The following SYNPO2 variants were observed in gnomAD, a reference collection of about 807,000 sequenced individuals.
The protein encoded by SYNPO2 is synaptopodin 2.
SYNPO2 carries 56 observed loss-of-function variants against 85.0 expected under a neutral mutation model. That is an observed-to-expected ratio of 0.66 (90% confidence interval 0.53 to 0.82). The LOEUF (loss-of-function observed/expected upper bound fraction) is 0.82, where lower values mean the gene tolerates loss of function less well. Among genes scored for constraint, SYNPO2 ranks in the 40% least tolerant of loss-of-function variants. SYNPO2 has a pLI of 0.00. For missense variants in SYNPO2, 1,575 were observed against 1,534.2 expected, an observed-to-expected ratio of 1.03 and a Z score of -0.44; for synonymous variants, 602 against 591.1, an observed-to-expected ratio of 1.02 and a Z score of -0.27.
At chr4:118,903,832 C>G (rs1400076066) in intron 1 of SYNPO2, among the ~76,000 whole-genome samples, 1 of 152,048 alleles carries the variant, frequency 6.6e-6, no homozygotes, top group Non-Finnish European at 1.5e-5. Context: ...CTGCCTCAGC[C>G]TCCCGAGTCG....
rs144056756 is a variant in SYNPO2 at position 119,030,298 on chromosome 4, A to C, written c.1523A>C (p.Gln508Pro). The C allele has an allele frequency of 5.6e-6, 9 of 1,613,952 alleles. No homozygotes were observed. In the African/African-American group the frequency reaches 6.7e-5, roughly 12 times the overall value. ...GAGAGAATGGATCAGATCACAGCCC[A>C]AAAAGAAGAGGACAAGGTAGGTGGA... ...RRERMDQITA[Q>P]KEEDKVGGTP... Residue 508 changes from glutamine (Q) to proline (P), a missense_variant, in exon 4 of 5, where the codon CAA (glutamine) becomes CCA (proline). Around this residue, in one of 3 missense-constraint regions of SYNPO2, gnomAD observed 1,508 missense variants for 1,446.8 expected, o/e 1.04. Coordinates refer to ENST00000307142, the MANE Select transcript of SYNPO2 (RefSeq NM_133477.3).
At chr4:119,036,284 T>C (rs1409621300) in intron 4 of SYNPO2, 2 of 985,300 alleles carry the variant, frequency 2.0e-6, no homozygotes, top group African/African-American at 3.5e-5. Context: ...TCAGGGTTGT[T>C]GAGTTTGTTT....
At chr4:118,871,804 C>T (rs144144855) in intron 1 of SYNPO2, among the ~76,000 whole-genome samples, 5,019 of 152,168 alleles carry the variant, frequency 0.033, 135 homozygotes, top group South Asian at 0.066. Flanking sequence ...CTCCTGACCT[C>T]GTAATCCGCC....
intron 1 of SYNPO2, among the ~76,000 whole-genome samples, chr4:118,882,192 CA>C (rs1578516825): frequency 6.6e-6 from 1 of 151,856 alleles, no homozygotes; most frequent in Non-Finnish European, 1.5e-5. Flanking sequence ...AATGAAACAA[CA>C]AAAAAATACA....
At chr4:118,985,148 T>C (rs1490456092) in intron 1 of SYNPO2, among the ~76,000 whole-genome samples, 1 of 151,944 alleles carries the variant, frequency 6.6e-6, no homozygotes, top group Non-Finnish European at 1.5e-5. Flanking sequence ...GCTCCTTACG[T>C]ACACCGAAGC....
At chr4:118,930,450 TA>T (rs1219004260) in intron 1 of SYNPO2, among the ~76,000 whole-genome samples, 2 of 152,162 alleles carry the variant, frequency 1.3e-5, no homozygotes, top group Non-Finnish European at 2.9e-5. Flanking sequence ...ATTTGCAGCT[TA>T]AAAAAACTTT....
At chr4:118,990,239 G>A (rs906614929) in intron 1 of SYNPO2, among the ~76,000 whole-genome samples, 2 of 152,088 alleles carry the variant, frequency 1.3e-5, no homozygotes, top group Non-Finnish European at 2.9e-5. Context: ...CAGCTCACAT[G>A]GTGCACAGGA....
intron 1 of SYNPO2, among the ~76,000 whole-genome samples, chr4:118,956,913 T>TG (rs1470184146): frequency 6.6e-6 from 1 of 151,858 alleles, no homozygotes; most frequent in Non-Finnish European, 1.5e-5. Context: ...GGTGTGGTGG[T>TG]GGGTGCCTAT....
intron 1 of SYNPO2, among the ~76,000 whole-genome samples, chr4:118,950,616 G>T (rs1010464077): frequency 3.1e-4 from 47 of 152,158 alleles, no homozygotes; most frequent in African/African-American, 1.1e-3. Context: ...TTCTTGGAGT[G>T]TCAGAGCCAG....
chr4:118,878,774 A>G (rs937923278), intron 1 of SYNPO2, among the ~76,000 whole-genome samples: 2 of 152,172 alleles, frequency 1.3e-5, no homozygotes, highest in Non-Finnish European at 2.9e-5. Flanking sequence ...ACCAATCAGC[A>G]CTCTGCAAAA....
chr4:119,036,213 G>T, intron 4 of SYNPO2: 1 of 985,348 alleles, frequency 1.0e-6, no homozygotes. Flanking sequence ...TTTTTGAAAA[G>T]CTAAATGCTT....
intron 1 of SYNPO2, among the ~76,000 whole-genome samples, chr4:118,852,797 A>T (rs1731442432): frequency 6.6e-6 from 1 of 152,192 alleles, no homozygotes; most frequent in African/African-American, 2.4e-5. Flanking sequence ...TGACAAAATA[A>T]TCTGTACAAC....
Position 119,035,760 on chromosome 4 carries a change from T to G in SYNPO2, c.3252+3733T>G, listed in dbSNP as rs1738481610. 6 of 979,892 alleles carry G rather than the reference T, an allele frequency of 6.1e-6. No individual in the cohort carries two copies. The Admixed American group carries it at 2.7e-4, about 44-fold the overall frequency. 60.7% of individuals were successfully genotyped at this position (979,892 alleles called of 1,614,324 possible). A position where few individuals can be genotyped will look rare whatever the true frequency, so the allele number is the denominator to read the frequency against. On this transcript the variant is annotated intron_variant, in intron 4 of 4. Coordinates refer to ENST00000307142, the MANE Select transcript of SYNPO2 (RefSeq NM_133477.3). ...CAAGAAGCAGGCATTGTAGGACAGC[T>G]GAGAATTATCACATAGCCTAAATTC...
chr4:118,983,284 A>G (rs1165712225), intron 1 of SYNPO2, among the ~76,000 whole-genome samples: 6 of 152,066 alleles, frequency 3.9e-5, no homozygotes, highest in Admixed American at 3.9e-4. Context: ...TAATGGGGAA[A>G]GTTCTTTACC....
At chr4:119,032,964 G>T (rs998480728) in intron 4 of SYNPO2, 3 of 494,148 alleles carry the variant, frequency 6.1e-6, no homozygotes, top group Non-Finnish European at 7.3e-6. Flanking sequence ...AAGGAACTAA[G>T]TGAGTACATC....
At chr4:118,978,817 A>T (rs1735892366) in intron 1 of SYNPO2, among the ~76,000 whole-genome samples, 2 of 151,786 alleles carry the variant, frequency 1.3e-5, no homozygotes, top group Admixed American at 6.6e-5. Flanking sequence ...ACACACACAC[A>T]CACACACACA....
chr4:118,863,105 G>T (rs1207801271), intron 1 of SYNPO2, among the ~76,000 whole-genome samples: 1 of 152,034 alleles, frequency 6.6e-6, no homozygotes, highest in African/African-American at 2.4e-5. Context: ...CCCTGCACCC[G>T]GACTTTTTCT....
intron 1 of SYNPO2, among the ~76,000 whole-genome samples, chr4:118,891,421 T>C (rs1191512981): frequency 2.6e-5 from 4 of 152,342 alleles, no homozygotes; most frequent in African/African-American, 9.6e-5. Context: ...GAGCTATCTA[T>C]AGAAGATGTA....
intron 4 of SYNPO2, 85 bp downstream of exon 4, chr4:119,032,112 T>C (rs1246670022): frequency 1.3e-6 from 2 of 1,543,900 alleles, no homozygotes; most frequent in Non-Finnish European, 1.8e-6. Flanking sequence ...TTTGCAGTGT[T>C]TCTTGAGTCC....
Sources: allele counts gnomAD v4.1 joint callset (sites outside exome capture counted in the v4.1 genomes callset), GRCh38; gene constraint gnomAD v4.1.1; regional missense constraint gnomAD v4.1.1; transcripts MANE v1.5; gene names NCBI Gene and HGNC (gene_info 2026-07-23, HGNC 2026-07-21).